ZFAT: variants seen among roughly 807,000 people sequenced by gnomAD.
ZFAT encodes the protein zinc finger and AT-hook domain containing, also known as zinc finger protein ZFAT.
In ZFAT, 64 loss-of-function variants were observed where a neutral mutation model predicts 117.7. The observed-to-expected ratio is 0.54, with a 90% CI of 0.44 to 0.67. ZFAT has a LOEUF of 0.67. ZFAT is among the 30% of genes least tolerant of loss of function. The pLI is 0.00. For missense variants in ZFAT, 1,433 were observed against 1,584.5 expected, an observed-to-expected ratio of 0.90 and a Z score of 1.62; for synonymous variants, 679 against 615.0, an observed-to-expected ratio of 1.10 and a Z score of -1.54.
At chr8:134,597,518 C>T (rs1301995836) in intron 7 of ZFAT, 1 of 152,222 alleles carries the variant, frequency 6.6e-6, no homozygotes, top group Non-Finnish European at 1.5e-5. Flanking sequence ...CCCTTCCTCC[C>T]AGGCCCTTTC....
intron 11 of ZFAT, among the ~76,000 whole-genome samples, chr8:134,537,069 A>ATTACTGATTTCTCTAATTT (rs1229991015): frequency 6.6e-5 from 10 of 152,252 alleles, no homozygotes; most frequent in African/African-American, 2.4e-4. Flanking sequence ...CATGATAAAT[A>ATTACTGATTTCTCTAATTT]TTACTGATTT....
At chr8:134,495,492 C>T (rs999662552) in intron 15 of ZFAT, among the ~76,000 whole-genome samples, 7 of 152,272 alleles carry the variant, frequency 4.6e-5, no homozygotes, top group Admixed American at 1.3e-4. Context: ...ATCATGCCTC[C>T]CCCAGGGCCT....
intron 15 of ZFAT, among the ~76,000 whole-genome samples, chr8:134,499,199 G>A (rs1818743906): frequency 7.3e-6 from 1 of 136,968 alleles, no homozygotes; most frequent in African/African-American, 2.7e-5. Flanking sequence ...GCCTGATTTG[G>A]GAGGGTTGGG....
chr8:134,806,131 T>C, the ZFAT span, among the ~76,000 whole-genome samples: 4 of 152,194 alleles, frequency 2.6e-5, no homozygotes, highest in African/African-American at 9.6e-5. Flanking sequence ...CATGCATATG[T>C]ACACACACAC....
At chr8:134,561,200 A>C (rs1586710968) in intron 11 of ZFAT, among the ~76,000 whole-genome samples, 1 of 152,276 alleles carries the variant, frequency 6.6e-6, no homozygotes, top group Admixed American at 6.5e-5. Context: ...TTACACTATG[A>C]TAATCATCCT....
At chr8:134,610,320 A>T in intron 4 of ZFAT, 150 bp downstream of exon 4, 1 of 862,224 alleles carries the variant, frequency 1.2e-6, no homozygotes, top group Non-Finnish European at 1.7e-6. Flanking sequence ...GCAGTAAGTA[A>T]GTCTCATCCT....
rs573870144 is a variant in ZFAT, at chr8:134,516,556, T to C, written c.3235-3955A>G. ...TTTGTTTTTAAAGGTAGAATAGGGC[T>C]GGGTATGGTGGCTCACACTTGTATT... On this transcript the variant is annotated intron_variant, in intron 13 of 15. Transcript: ENST00000377838. Among the ~76,000 whole-genome samples, 4 of 152,268 alleles carry C rather than the reference T, an allele frequency of 2.6e-5. No individual in the cohort carries two copies. In the South Asian group the frequency reaches 8.3e-4, roughly 32 times the overall value.
chr8:134,701,341 G>C (rs142355764), intron 1 of ZFAT, among the ~76,000 whole-genome samples: 1 of 152,162 alleles, frequency 6.6e-6, no homozygotes, highest in Non-Finnish European at 1.5e-5. Flanking sequence ...GTGGTAGCCC[G>C]TGTCAGGTTT....
the ZFAT span, among the ~76,000 whole-genome samples, chr8:134,720,002 C>G: frequency 3.9e-5 from 6 of 152,354 alleles, no homozygotes; most frequent in East Asian, 3.9e-4. Flanking sequence ...GGAACACAAA[C>G]AGCACAAGCA....
chr8:134,809,298 C>G, the ZFAT span, among the ~76,000 whole-genome samples: 1 of 152,206 alleles, frequency 6.6e-6, no homozygotes, highest in Non-Finnish European at 1.5e-5. Context: ...AGCCAGCAGT[C>G]TGTTTAACAA....
At chr8:134,541,546 A>C (rs1047132966) in intron 11 of ZFAT, among the ~76,000 whole-genome samples, 1 of 152,220 alleles carries the variant, frequency 6.6e-6, no homozygotes, top group African/African-American at 2.4e-5. Flanking sequence ...TAAGCAACAG[A>C]AAATGGACTA....
the ZFAT span, among the ~76,000 whole-genome samples, chr8:134,741,276 C>T: frequency 1.3e-5 from 2 of 151,954 alleles, no homozygotes; most frequent in African/African-American, 4.8e-5. Flanking sequence ...TCACGTTGAC[C>T]TCTCAAATCC....
intron 3 of ZFAT, among the ~76,000 whole-genome samples, chr8:134,612,589 G>A (rs1197734449): frequency 1.3e-5 from 2 of 152,172 alleles, no homozygotes; most frequent in East Asian, 3.8e-4. Flanking sequence ...AGTTTTTTTG[G>A]TGTTCGTCCC....
chr8:134,793,732 C>CGGGGGG, the ZFAT span: 5,955 of 148,114 alleles, frequency 0.04, 144 homozygotes, highest in African/African-American at 0.076. Context: ...GTCAAGAGTC[C>CGGGGGG]GGGGGCTGGA....
At chr8:134,536,249 C>A (rs888292361) in intron 11 of ZFAT, among the ~76,000 whole-genome samples, 1 of 152,174 alleles carries the variant, frequency 6.6e-6, no homozygotes, top group Non-Finnish European at 1.5e-5. Context: ...CTTGACTTGG[C>A]GAAATCTTCC....
At chr8:134,570,210 T>C (rs962277398) in intron 10 of ZFAT, among the ~76,000 whole-genome samples, 19 of 152,186 alleles carry the variant, frequency 1.2e-4, no homozygotes, top group Admixed American at 1.0e-3. Flanking sequence ...TCTGTTCAAA[T>C]GTCACCTTCA....
At chr8:134,646,628 G>A (rs1453955808) in intron 2 of ZFAT, among the ~76,000 whole-genome samples, 3 of 151,598 alleles carry the variant, frequency 2.0e-5, no homozygotes, top group African/African-American at 7.3e-5. Flanking sequence ...TGTTTGAAAA[G>A]ATAAACACAG....
At chr8:134,489,462 C>T (rs1197733496) in intron 15 of ZFAT, among the ~76,000 whole-genome samples, 1 of 152,130 alleles carries the variant, frequency 6.6e-6, no homozygotes, top group African/African-American at 2.4e-5. Context: ...CCTTGCTCGG[C>T]CTCTGCAGCC....
chr8:134,509,568 CCTGA>C, intron 15 of ZFAT, 47 bp downstream of exon 15: 4 of 1,608,774 alleles, frequency 2.5e-6, no homozygotes, highest in Non-Finnish European at 2.5e-6. Context: ...AAGGAGAGAA[CCTGA>C]CTGTGAGACA....
Sources: allele counts gnomAD v4.1 joint callset (sites outside exome capture counted in the v4.1 genomes callset), GRCh38; gene constraint gnomAD v4.1.1; transcripts MANE v1.5; gene names NCBI Gene and HGNC (gene_info 2026-07-23, HGNC 2026-07-21).